The following RGL1 variants were observed in gnomAD, a reference collection of about 807,000 sequenced individuals.
RGL1 encodes ral guanine nucleotide dissociation stimulator-like 1.
RGL1 carries 24 observed loss-of-function variants against 95.2 expected under a neutral mutation model. The observed-to-expected ratio is 0.25, with a 90% CI of 0.18 to 0.35. The LOEUF (loss-of-function observed/expected upper bound fraction) is 0.35, where lower values mean the gene tolerates loss of function less well. Among genes scored for constraint, RGL1 ranks in the 10% least tolerant of loss-of-function variants. The probability of loss-of-function intolerance (pLI) is 1.00; values close to 1 mark genes in which losing one functional copy is unlikely to be tolerated. For missense variants in RGL1, 715 were observed against 936.3 expected, an observed-to-expected ratio of 0.76 and a Z score of 3.08; for synonymous variants, 329 against 344.9, an observed-to-expected ratio of 0.95 and a Z score of 0.51.
intron 2 of RGL1, among the ~76,000 whole-genome samples, chr1:183,774,627 A>T (rs1263995693): frequency 8.0e-6 from 1 of 125,520 alleles, no homozygotes; most frequent in Non-Finnish European, 1.6e-5. Flanking sequence ...CCCAGGCTGG[A>T]GTGCACTGGC....
At chr1:183,906,655 AG>A (rs1269455085) in intron 13 of RGL1, among the ~76,000 whole-genome samples, 1 of 152,106 alleles carries the variant, frequency 6.6e-6, no homozygotes, top group Non-Finnish European at 1.5e-5. Flanking sequence ...TAGGAGGGGG[AG>A]GTAGTAGAGG....
intron 4 of RGL1, among the ~76,000 whole-genome samples, chr1:183,868,506 C>T (rs192630022): frequency 1.3e-5 from 2 of 152,188 alleles, no homozygotes; most frequent in Non-Finnish European, 2.9e-5. Flanking sequence ...ACTCTCAGGC[C>T]CCACTCAGAC....
intron 6 of RGL1, among the ~76,000 whole-genome samples, chr1:183,884,413 A>G (rs1384711023): frequency 6.6e-6 from 1 of 152,186 alleles, no homozygotes; most frequent in Non-Finnish European, 1.5e-5. Context: ...GTCAGATTTC[A>G]TAGGTCGGTG....
At chr1:183,896,473 C>T (rs1572569593) in intron 9 of RGL1, among the ~76,000 whole-genome samples, 2 of 152,140 alleles carry the variant, frequency 1.3e-5, no homozygotes, top group South Asian at 4.1e-4. Context: ...TGGGTTCTGT[C>T]CCAGTAGTGT....
rs117517887 is a variant in RGL1, at chr1:183,721,499, C to T, written c.-32-20627C>T. On this transcript the variant is annotated intron_variant, in intron 1 of 18. Transcript: ENST00000304685. ...CACTGGGTGCAATCTTTCAAAGGCTCAATAGTAAGTATGAGTTTTAACCCC... is the reference window on the plus strand; with the variant it reads ...CACTGGGTGCAATCTTTCAAAGGCTTAATAGTAAGTATGAGTTTTAACCCC... Among the ~76,000 whole-genome samples the T allele has an allele frequency of 1.8e-3, 275 of 152,284 alleles. 6 individuals are homozygous for T. In the East Asian group the frequency reaches 0.042, roughly 23 times the overall value.
intron 1 of RGL1, among the ~76,000 whole-genome samples, chr1:183,698,448 G>A (rs760871232): frequency 6.6e-6 from 1 of 152,306 alleles, no homozygotes; most frequent in African/African-American, 2.4e-5. Flanking sequence ...TTGATACAAT[G>A]CCTAAAATAG....
chr1:183,876,091 C>T lies in RGL1; in HGVS notation c.426-4525C>T, dbSNP rs1053200782. Among the ~76,000 whole-genome samples, 3 of 152,142 alleles carry T rather than the reference C, an allele frequency of 2.0e-5. No individual in the cohort carries two copies. The East Asian group carries it at 5.8e-4, about 29-fold the overall frequency. On this transcript the variant is annotated intron_variant, in intron 4 of 17. Coordinates refer to ENST00000360851, the MANE Select transcript of RGL1 (RefSeq NM_001297671.3). ...TTCACATCATTTCCTCAGGGAGATC[C>T]TCCCTAAAGCCTTGACCAGGTCAGC...
intron 15 of RGL1, among the ~76,000 whole-genome samples, chr1:183,915,324 T>TTC (rs1413107995): frequency 6.6e-6 from 1 of 152,236 alleles, no homozygotes; most frequent in East Asian, 1.9e-4. Context: ...CTTAAGTCAT[T>TTC]CCGGGAAATT....
At chr1:183,700,931 G>T (rs1360069843) in intron 1 of RGL1, among the ~76,000 whole-genome samples, 2 of 152,050 alleles carry the variant, frequency 1.3e-5, no homozygotes, top group Admixed American at 6.5e-5. Flanking sequence ...ACAGGCCCCG[G>T]TGTGTGATGT....
chr1:183,831,674 G>GTTATTTAGGGA (rs1236740265), intron 2 of RGL1, among the ~76,000 whole-genome samples: 2 of 152,138 alleles, frequency 1.3e-5, no homozygotes, highest in Admixed American at 6.6e-5. Context: ...TCAAGTAAAG[G>GTTATTTAGGGA]TTATTTAGGG....
At chr1:183,869,128 AAAT>A (rs894272687) in intron 4 of RGL1, among the ~76,000 whole-genome samples, 1 of 152,186 alleles carries the variant, frequency 6.6e-6, no homozygotes, top group Non-Finnish European at 1.5e-5. Context: ...TCTTAAAAGT[AAAT>A]AATAATAATA....
chr1:183,853,698 T>C (rs1273720449), intron 3 of RGL1, among the ~76,000 whole-genome samples: 1 of 152,210 alleles, frequency 6.6e-6, no homozygotes, highest in Non-Finnish European at 1.5e-5. Flanking sequence ...GTTTACAGAT[T>C]AGAAAATTGT....
chr1:183,831,596 T>G (rs1663261315), intron 2 of RGL1, among the ~76,000 whole-genome samples: 1 of 152,228 alleles, frequency 6.6e-6, no homozygotes, highest in Non-Finnish European at 1.5e-5. Flanking sequence ...GATCAAGCAT[T>G]ACATGCTTTT....
intron 2 of RGL1, among the ~76,000 whole-genome samples, chr1:183,750,098 G>A (rs1358117156): frequency 6.6e-6 from 1 of 152,166 alleles, no homozygotes; most frequent in Non-Finnish European, 1.5e-5. Flanking sequence ...GAATTTGAAT[G>A]TTGGCCTGTC....
At chr1:183,736,913 GT>G (rs1455065006) in intron 1 of RGL1, among the ~76,000 whole-genome samples, 1 of 147,258 alleles carries the variant, frequency 6.8e-6, no homozygotes, top group Non-Finnish European at 1.5e-5. Context: ...ATTTCAATAA[GT>G]TTCTGAATTT....
intron 11 of RGL1, among the ~76,000 whole-genome samples, chr1:183,901,024 G>C (rs569421394): frequency 6.6e-6 from 1 of 151,858 alleles, no homozygotes; most frequent in Admixed American, 6.5e-5. Flanking sequence ...AATTAGGCTG[G>C]GTGTGGTGGC....
chr1:183,878,210 T>C (rs1408252360), intron 4 of RGL1, among the ~76,000 whole-genome samples: 1 of 151,074 alleles, frequency 6.6e-6, no homozygotes, highest in Admixed American at 6.6e-5. Flanking sequence ...CTATCTTTTT[T>C]TTTGGAGATA....
intron 1 of RGL1, among the ~76,000 whole-genome samples, chr1:183,662,385 G>A (rs1313434838): frequency 2.6e-5 from 4 of 151,728 alleles, no homozygotes; most frequent in Non-Finnish European, 4.4e-5. Context: ...AAATCAATGT[G>A]CAAAAATCAC....
intron 1 of RGL1, among the ~76,000 whole-genome samples, chr1:183,703,730 T>A (rs549137062): frequency 6.6e-6 from 1 of 152,228 alleles, no homozygotes; most frequent in East Asian, 1.9e-4. Context: ...TCGGGTGGGA[T>A]GTGAGTGAAG....
Sources: gnomAD v4.1 joint callset for allele counts (sites outside exome capture counted in the v4.1 genomes callset) on GRCh38, gnomAD v4.1.1 for gene constraint, MANE v1.5 for transcripts, NCBI Gene and HGNC (gene_info 2026-07-23, HGNC 2026-07-21) for gene names.